GGTA1: variants seen among roughly 807,000 people sequenced by gnomAD.
The protein encoded by GGTA1 is inactive N-acetyllactosaminide alpha-1,3-galactosyltransferase.
A neutral mutation model predicts 2.6 loss-of-function variants in GGTA1; 5 were observed. The observed-to-expected ratio is 1.92, with a 90% CI of 1.00 to 4.04. GGTA1 has a LOEUF of 4.04. Among genes scored for constraint, GGTA1 ranks in the 30% most tolerant of loss-of-function variants. GGTA1 has a pLI of 0.00. For synonymous variants in GGTA1, 17 were observed against 5.0 expected (o/e 3.38, Z -3.19); for missense variants, 50 against 16.7 (o/e 2.99, Z -3.47).
chr9:121,447,748 T>A (rs2064858704), intron 7 of GGTA1, among the ~76,000 whole-genome samples: 1 of 152,056 alleles, frequency 6.6e-6, no homozygotes, highest in Non-Finnish European at 1.5e-5. Context: ...CTTGTCTATA[T>A]TTTATGGTTA....
At chr9:121,493,748 CTTTT>C (rs35465171) in intron 1 of GGTA1, among the ~76,000 whole-genome samples, 5 of 36,622 alleles carry the variant, frequency 1.4e-4, no homozygotes, top group Middle Eastern at 0.024. Flanking sequence ...GACTCACTCT[CTTTT>C]TTTTTTTTTT....
At chr9:121,453,863 C>CA (rs1466437948), downstream of GGTA1, among the ~76,000 whole-genome samples, 2 of 152,136 alleles carry the variant, frequency 1.3e-5, no homozygotes, top group African/African-American at 4.8e-5. Flanking sequence ...ATCCCAGCCT[C>CA]AGAGTGGAAA....
chr9:121,454,133 A>G (rs941853450), downstream of GGTA1, among the ~76,000 whole-genome samples: 1 of 152,102 alleles, frequency 6.6e-6, no homozygotes, highest in Admixed American at 6.5e-5. Context: ...TCTTGTCTGG[A>G]GTCTCAAACT....
rs115594718 is a variant in GGTA1, at chr9:121,486,153, C to T, written c.-10+13497G>A. Among the ~76,000 whole-genome samples the T allele has an allele frequency of 4.6e-3, 698 of 152,340 alleles. 9 individuals carry two copies. The highest frequency in any genetic ancestry group is 0.015 in the African/African-American group (643 of 41,588). The stretch of plus-strand genomic sequence containing the variant: ...AAAACTCCACTTGAGTCCAGGCTCA[C>T]AAACAGGAAATGTGACAGAGGCTGA... On this transcript the variant is annotated intron_variant, in intron 1 of 5. Coordinates refer to ENST00000481799, the MANE Select transcript of GGTA1 (RefSeq NM_001382585.1).
intron 1 of GGTA1, among the ~76,000 whole-genome samples, chr9:121,478,206 T>C (rs1040488455): frequency 6.6e-6 from 1 of 152,176 alleles, no homozygotes; most frequent in African/African-American, 2.4e-5. Context: ...TGAAGTCTTC[T>C]GCATGGGTTA....
chr9:121,493,753 T>C lies in GGTA1; in HGVS notation c.-10+5897A>G, dbSNP rs1214299925. Among the ~76,000 whole-genome samples the C allele has an allele frequency of 4.9e-5, 7 of 141,516 alleles. No individual in the cohort carries two copies. The South Asian group carries it at 1.7e-3, about 34-fold the overall frequency. The allele number at this position is 141,516 out of a possible 152,430, so 92.8% of individuals were successfully genotyped here. A position where few individuals can be genotyped will look rare whatever the true frequency, so the allele number is the denominator to read the frequency against. ...CAGCTTCCTAGACTCACTCTCTTTT[T>C]TTTTTTTTTTTTTTTTTTTTTGAGA... On this transcript the variant is annotated intron_variant, in intron 1 of 5. Coordinates refer to ENST00000481799, the MANE Select transcript of GGTA1 (RefSeq NM_001382585.1).
chr9:121,468,156 A>T (rs1321023883), intron 1 of GGTA1, among the ~76,000 whole-genome samples: 1 of 152,124 alleles, frequency 6.6e-6, no homozygotes, highest in East Asian at 1.9e-4. Context: ...TCTCCTAATG[A>T]TATCCCTCCC....
intron 1 of GGTA1, among the ~76,000 whole-genome samples, chr9:121,492,771 G>A (rs1828897520): frequency 6.6e-6 from 1 of 151,968 alleles, no homozygotes; most frequent in South Asian, 2.1e-4. Context: ...ACCGCGCCCG[G>A]TCGAGTTCAG....
chr9:121,460,805 A>G (rs2064954544), intron 4 of GGTA1, among the ~76,000 whole-genome samples: 1 of 152,196 alleles, frequency 6.6e-6, no homozygotes, highest in Non-Finnish European at 1.5e-5. Flanking sequence ...AGACCACGCC[A>G]CTGCACTCCA....
chr9:121,481,385 G>T (rs971670504), intron 1 of GGTA1, among the ~76,000 whole-genome samples: 1 of 151,804 alleles, frequency 6.6e-6, no homozygotes, highest in Admixed American at 6.6e-5. Context: ...TTTATTTAAA[G>T]TTCAAAAATA....
chr9:121,463,498 A>C (rs2064977665), intron 2 of GGTA1, among the ~76,000 whole-genome samples, 170 bp from the exon 3 acceptor site: 2 of 152,110 alleles, frequency 1.3e-5, no homozygotes. Flanking sequence ...GAGGATGGAA[A>C]TTTCCACTTC....
intron 1 of GGTA1, among the ~76,000 whole-genome samples, chr9:121,482,486 CG>C (rs1828673832): frequency 6.7e-6 from 1 of 149,762 alleles, no homozygotes; most frequent in Non-Finnish European, 1.5e-5. Flanking sequence ...ATTAAAAAAT[CG>C]GCTGGGCACA....
intron 1 of GGTA1, among the ~76,000 whole-genome samples, chr9:121,487,426 A>G (rs1355371207): frequency 1.3e-5 from 2 of 151,710 alleles, no homozygotes; most frequent in African/African-American, 4.8e-5. Context: ...AAATACAAAA[A>G]TTAGCCGGGC....
At chr9:121,470,897 C>T (rs950492430) in intron 1 of GGTA1, among the ~76,000 whole-genome samples, 1 of 152,256 alleles carries the variant, frequency 6.6e-6, no homozygotes, top group African/African-American at 2.4e-5. Context: ...ACTTCAGTCT[C>T]CCGCATAGCG....
intron 5 of GGTA1, among the ~76,000 whole-genome samples, chr9:121,457,838 T>C (rs1238595975): frequency 6.6e-6 from 1 of 151,378 alleles, no homozygotes; most frequent in African/African-American, 2.4e-5. Flanking sequence ...TGTGGTGTCA[T>C]GGAAGCAAAG....
Position 121,455,619 on chromosome 9 carries a change from C to T in GGTA1, c.*218G>A, listed in dbSNP as rs2064904787. 1 of 197,212 alleles carries T rather than the reference C, an allele frequency of 5.1e-6. No homozygotes were observed. The highest frequency in any genetic ancestry group is 5.2e-5 in the Admixed American group (1 of 19,274). 12.2% of individuals were successfully genotyped at this position (197,212 alleles called of 1,614,324 possible). On this transcript the variant is annotated 3_prime_UTR_variant, in exon 6 of 6. Coordinates refer to ENST00000481799, the MANE Select transcript of GGTA1 (RefSeq NM_001382585.1). ...AAAAGACCCAACTGGAGTGTCTGAT[C>T]CCCTGACCCACATTTCCCAGTTCCC...
chr9:121,496,728 T>A (rs1828999881), intron 1 of GGTA1, among the ~76,000 whole-genome samples: 1 of 27,164 alleles, frequency 3.7e-5, no homozygotes, highest in Non-Finnish European at 6.7e-5. Flanking sequence ...CAAGGCTCCA[T>A]CTCAAAAAAA....
intron 1 of GGTA1, among the ~76,000 whole-genome samples, chr9:121,480,117 G>A (rs1328251472): frequency 4.0e-5 from 6 of 150,616 alleles, no homozygotes; most frequent in Non-Finnish European, 8.9e-5. Flanking sequence ...GTACAGTGGC[G>A]TGATCTCGGC....
chr9:121,474,018 GAAAGA>G (rs1045068267), intron 1 of GGTA1, among the ~76,000 whole-genome samples: 25 of 151,394 alleles, frequency 1.7e-4, no homozygotes, highest in Non-Finnish European at 2.9e-4. Context: ...AACAAGGAAA[GAAAGA>G]AAAGAAAGGA....
Sources: allele counts gnomAD v4.1 joint callset (sites outside exome capture counted in the v4.1 genomes callset), GRCh38; gene constraint gnomAD v4.1.1; transcripts MANE v1.5; gene names NCBI Gene and HGNC (gene_info 2026-07-23, HGNC 2026-07-21).